The following KCNE4 variants were observed in gnomAD, a reference collection of about 807,000 sequenced individuals.
KCNE4 encodes the protein potassium voltage-gated channel subfamily E regulatory subunit 4, also known as potassium voltage-gated channel subfamily E member 4.
In KCNE4, 6 loss-of-function variants were observed where a neutral mutation model predicts 9.2. That is an observed-to-expected ratio of 0.65 (90% CI 0.36 to 1.29). The LOEUF (loss-of-function observed/expected upper bound fraction) is 1.29, where lower values mean the gene tolerates loss of function less well. KCNE4 is among the 50% of genes most tolerant of loss of function. The pLI is 0.03. For missense variants in KCNE4, 222 were observed against 228.8 expected (o/e 0.97, Z 0.19); for synonymous variants, 115 against 103.2 (o/e 1.11, Z -0.70).
At position 223,054,587 on chromosome 2, in the gene KCNE4, A is replaced by G. The variant is rs1698740228; in HGVS notation, c.*1244A>G. 1 of 167,066 alleles carries G rather than the reference A, an allele frequency of 6.0e-6. No homozygotes were observed. Among genetic ancestry groups the G allele is most frequent in the African/African-American group, 2.4e-5 (1 of 41,440 alleles). 10.3% of individuals were successfully genotyped at this position (167,066 alleles called of 1,614,324 possible). A position where few individuals can be genotyped will look rare whatever the true frequency, so the allele number is the denominator to read the frequency against. On this transcript the variant is annotated 3_prime_UTR_variant, in exon 2 of 2. Coordinates refer to ENST00000281830, the MANE Select transcript of KCNE4 (RefSeq NM_080671.4). ...CTGGGGAATTCAGGGCAAGCTACCAACCCAGCCCTGCTGTAGTTTTCCCAG... is the reference window on the plus strand; with the variant it reads ...CTGGGGAATTCAGGGCAAGCTACCAGCCCAGCCCTGCTGTAGTTTTCCCAG...
rs936494608 is a variant in KCNE4, at chr2:223,053,458, C to G, written c.*115C>G. ...GTGCGGCTGCCACTTTGAAGAGACCCTTGGTAAACCCCTGATTCGGGGTGG... is the reference window on the plus strand; with the variant it reads ...GTGCGGCTGCCACTTTGAAGAGACCGTTGGTAAACCCCTGATTCGGGGTGG... On this transcript the variant is annotated 3_prime_UTR_variant, in exon 2 of 2. Transcript: ENST00000281830. The surrounding 1 kb of genome is among the most constrained non-coding windows in gnomAD (Gnocchi z 4.1). The G allele has an allele frequency of 1.8e-5, 20 of 1,095,984 alleles. No individual in the cohort carries two copies. Among genetic ancestry groups the G allele is most frequent in the Non-Finnish European group, 2.5e-5 (18 of 734,570 alleles). The allele number at this position is 1,095,984 out of a possible 1,614,324, so 67.9% of individuals were successfully genotyped here. A position where few individuals can be genotyped will look rare whatever the true frequency, so the allele number is the denominator to read the frequency against.
In KCNE4 at chr2:223,052,895, A is replaced by G. The variant is rs756846142; in HGVS notation, c.65A>G (p.Glu22Gly). 1 of 1,614,012 alleles carries G rather than the reference A, an allele frequency of 6.2e-7. No homozygotes were observed. The highest frequency in any genetic ancestry group is 1.7e-5 in the Admixed American group (1 of 60,032). The change falls in exon 2 of 2, where the codon GAG becomes GGG. Residue 22 changes from glutamate to glycine, a missense_variant. Physicochemically the swap from Glu to Gly is moderately conservative, Grantham distance 98 (BLOSUM62 -2). Coordinates refer to ENST00000281830, the MANE Select transcript of KCNE4 (RefSeq NM_080671.4). ...PGTAASSSPL[E>G]SRAAGGGSGN... ...ACCGCCGCCTCCAGCAGCCCCCTGG[A>G]GTCCCGTGCGGCCGGCGGCGGCAGC...
At position 223,053,097 on chromosome 2, in the gene KCNE4, G is replaced by A. The variant is rs752656784; in HGVS notation, c.267G>A (p.Val89=). 1 of 1,613,846 alleles carries A rather than the reference G, an allele frequency of 6.2e-7. No individual in the cohort carries two copies. The highest frequency in any genetic ancestry group is 1.1e-5 in the South Asian group (1 of 91,066). ...GGGAGGCCATGAAGCCGCTGCCTGT[G>A]GTGTCGGGCCTGAGGTCGGTGCAGG... ...LWGEAMKPLP[V]VSGLRSVQVP... Residue 89 remains valine, a synonymous_variant, in exon 2 of 2, where the codon GTG becomes GTA. Coordinates refer to ENST00000281830, the MANE Select transcript of KCNE4 (RefSeq NM_080671.4). The surrounding 1 kb of genome is among the most constrained non-coding windows in gnomAD (Gnocchi z 4.1).
chr2:223,052,676 G>T (rs1045317184), intron 1 of KCNE4, 132 bp from the exon 2 acceptor site: 1 of 1,016,780 alleles, frequency 9.8e-7, no homozygotes. Context: ...GCTGTTTGGC[G>T]AACCCTCTTA....
Position 223,055,350 on chromosome 2 carries a change from G to A in KCNE4, c.*2007G>A, listed in dbSNP as rs1423406785. On this transcript the variant is annotated 3_prime_UTR_variant, in exon 2 of 2. Coordinates refer to ENST00000281830, the MANE Select transcript of KCNE4 (RefSeq NM_080671.4). Reference sequence around the variant, plus strand: ...AATTCAGTGTGGACTTATGCCAAAGGGGGCTGTTTAAGTTGAAAGAAGCCA... The same window carrying A: ...AATTCAGTGTGGACTTATGCCAAAGAGGGCTGTTTAAGTTGAAAGAAGCCA... The A allele has an allele frequency of 1.2e-5, 2 of 167,044 alleles. No individual in the cohort carries two copies. Among genetic ancestry groups the A allele is most frequent in the African/African-American group, 4.8e-5 (2 of 41,414 alleles). The allele number at this position is 167,044 out of a possible 1,614,324, so 10.3% of individuals were successfully genotyped here.
chr2:223,052,394 A>C, intron 1 of KCNE4, 120 bp downstream of exon 1: 1 of 783,022 alleles, frequency 1.3e-6, no homozygotes, highest in Non-Finnish European at 1.7e-6. Flanking sequence ...CTAAGGAAAC[A>C]TTGTTTTGAA....
At position 223,054,163 on chromosome 2, in the gene KCNE4, G is replaced by C. The variant is rs1035035571; in HGVS notation, c.*820G>C. On this transcript the variant is annotated 3_prime_UTR_variant, in exon 2 of 2. Transcript: ENST00000281830. ...AAGTGGGGTTGAACAAGGCCAAGCCGTTAGCTCTGCTGCTGCTCAGTTTCC... is the reference window on the plus strand; with the variant it reads ...AAGTGGGGTTGAACAAGGCCAAGCCCTTAGCTCTGCTGCTGCTCAGTTTCC... 6.0e-6 allele frequency: 1 copy of C among 167,134 alleles called. No homozygotes were observed. Among genetic ancestry groups the C allele is most frequent in the Non-Finnish European group, 1.5e-5 (1 of 68,166 alleles). The allele number at this position is 167,134 out of a possible 1,614,324, so 10.4% of individuals were successfully genotyped here. A position where few individuals can be genotyped will look rare whatever the true frequency, so the allele number is the denominator to read the frequency against.
In KCNE4 at chr2:223,053,265, T is replaced by G. The variant is rs12621643; in HGVS notation, c.435T>G (p.Asp145Glu). The G allele has an allele frequency of 0.7, 1,134,579 of 1,613,456 alleles. 401,868 individuals are homozygous for G. Among genetic ancestry groups the G allele is most frequent in the South Asian group, 0.8 (72,418 of 91,062 alleles). Residue 145 changes from aspartate (D) to glutamate (E), a missense_variant, in exon 2 of 2, where the codon GAT becomes GAG. Physicochemically the swap from Asp to Glu is conservative, Grantham distance 45. Coordinates refer to ENST00000281830, the MANE Select transcript of KCNE4 (RefSeq NM_080671.4). This position sits in a 1 kb window ranked among gnomAD's most constrained non-coding sequence, Gnocchi z 4.1. ...HLTIQEEGAD[D>E]ELEETSETPL... Reference sequence around the variant, plus strand: ...CCATTCAGGAGGAGGGGGCAGACGATGAGCTGGAGGAGACCTCGGAGACGC... The same window carrying G: ...CCATTCAGGAGGAGGGGGCAGACGAGGAGCTGGAGGAGACCTCGGAGACGC...
At position 223,054,532 on chromosome 2, in the gene KCNE4, G is replaced by A. The variant is rs1223226606; in HGVS notation, c.*1189G>A. ...CTGAACAAGGATCTGCTGATTTAAAGGAGCAGTTGGAGATTCAGAACACAT... is the reference window on the plus strand; with the variant it reads ...CTGAACAAGGATCTGCTGATTTAAAAGAGCAGTTGGAGATTCAGAACACAT... On this transcript the variant is annotated 3_prime_UTR_variant, in exon 2 of 2. Transcript: ENST00000281830. 2 of 167,066 alleles carry A rather than the reference G, an allele frequency of 1.2e-5. No individual in the cohort carries two copies. Among genetic ancestry groups the A allele is most frequent in the African/African-American group, 2.4e-5 (1 of 41,442 alleles). 10.3% of individuals were successfully genotyped at this position (167,066 alleles called of 1,614,324 possible).
chr2:223,052,379 T>G, intron 1 of KCNE4, 105 bp downstream of exon 1: 1 of 873,254 alleles, frequency 1.1e-6, no homozygotes, highest in Non-Finnish European at 1.5e-6. Flanking sequence ...CTGCTTTTCT[T>G]TGTTCTAAGG....
Position 223,053,615 on chromosome 2 carries a change from G to A in KCNE4, c.*272G>A, listed in dbSNP as rs3795885. 2.6e-3 allele frequency: 1,287 copies of A among 503,938 alleles called. 39 individuals carry two copies. In the East Asian group the frequency reaches 0.04, roughly 16 times the overall value. The allele number at this position is 503,938 out of a possible 1,614,324, so 31.2% of individuals were successfully genotyped here. A position where few individuals can be genotyped will look rare whatever the true frequency, so the allele number is the denominator to read the frequency against. On this transcript the variant is annotated 3_prime_UTR_variant, in exon 2 of 2. Transcript: ENST00000281830. This position sits in a 1 kb window ranked among gnomAD's most constrained non-coding sequence, Gnocchi z 4.1. ...CTGACTTTGGGGCCTGGGTGTTGGG[G>A]TTCTGATCAGAATTTGGCGGGATGA...
rs750426341 is a variant in KCNE4, at chr2:223,054,313, C to G, written c.*970C>G. ...GCTCCAAGTTCTGTGCTTCCTGATC[C>G]CGAGCCCTGACACTCATTTGCTGTG... On this transcript the variant is annotated 3_prime_UTR_variant, in exon 2 of 2. Coordinates refer to ENST00000281830, the MANE Select transcript of KCNE4 (RefSeq NM_080671.4). 6.0e-6 allele frequency: 1 copy of G among 167,064 alleles called. No homozygotes were observed. The highest frequency in any genetic ancestry group is 1.5e-5 in the Non-Finnish European group (1 of 68,120). The allele number at this position is 167,064 out of a possible 1,614,324, so 10.3% of individuals were successfully genotyped here.
At chr2:223,052,540 T>C (rs1698708355) in intron 1 of KCNE4, among the ~76,000 whole-genome samples, 1 of 147,204 alleles carries the variant, frequency 6.8e-6, no homozygotes, top group Non-Finnish European at 1.5e-5. Context: ...AAAGTAATAC[T>C]GCTCACTACA....
chr2:223,052,795 G>T lies in KCNE4; in HGVS notation c.-23-13G>T. The T allele has an allele frequency of 6.2e-7, 1 of 1,604,298 alleles. No homozygotes were observed. The highest frequency in any genetic ancestry group is 8.5e-7 in the Non-Finnish European group (1 of 1,179,758). On this transcript the variant is annotated splice_polypyrimidine_tract_variant and intron_variant, in intron 1 of 1. Coordinates refer to ENST00000281830, the MANE Select transcript of KCNE4 (RefSeq NM_080671.4). The stretch of plus-strand genomic sequence containing the variant: ...ACCTGGGGGAGAGTTCTAACCTGCG[G>T]CTTTTTCCCCAGCCCCTGCTGTGGA...
rs1168610937 is a variant in KCNE4, at chr2:223,055,268, G to T, written c.*1925G>T. ...AGGAGCTGGTTTATCAGTCCGCTTT[G>T]ACATACAGCTAAAGGAAATTTATGT... On this transcript the variant is annotated 3_prime_UTR_variant, in exon 2 of 2. Transcript: ENST00000281830. 2 of 166,890 alleles carry T rather than the reference G, an allele frequency of 1.2e-5. No homozygotes were observed. Among genetic ancestry groups the T allele is most frequent in the African/African-American group, 2.4e-5 (1 of 41,374 alleles). The allele number at this position is 166,890 out of a possible 1,614,324, so 10.3% of individuals were successfully genotyped here.
intron 1 of KCNE4, among the ~76,000 whole-genome samples, 165 bp from the exon 2 acceptor site, chr2:223,052,643 G>A (rs1389821358): frequency 1.3e-5 from 2 of 149,782 alleles, no homozygotes; most frequent in East Asian, 3.9e-4. Context: ...TGCACTCCAA[G>A]CCCTCATAGC....
At chr2:223,052,596 T>TA in intron 1 of KCNE4, among the ~76,000 whole-genome samples, 1 of 151,988 alleles carries the variant, frequency 6.6e-6, no homozygotes, top group South Asian at 2.1e-4. Context: ...AAGTCCTTCT[T>TA]ACTTTTCCCA....
Position 223,053,400 on chromosome 2 carries a change from G to A in KCNE4, c.*57G>A. 2 of 1,523,890 alleles carry A rather than the reference G, an allele frequency of 1.3e-6. No homozygotes were observed. The highest frequency in any genetic ancestry group is 1.8e-6 in the Non-Finnish European group (2 of 1,111,938). The allele number at this position is 1,523,890 out of a possible 1,614,324, so 94.4% of individuals were successfully genotyped here. On this transcript the variant is annotated 3_prime_UTR_variant, in exon 2 of 2. Transcript: ENST00000281830. The surrounding 1 kb of genome is among the most constrained non-coding windows in gnomAD (Gnocchi z 4.1). ...AGCCAGCAACCTTAGAGAGAGGAAA[G>A]ACAGTTTTCAAGTGTCTGGTTTCAC...
In KCNE4 at chr2:223,055,481, A is replaced by G. The variant is rs1242890949; in HGVS notation, c.*2138A>G. 6.0e-6 allele frequency: 1 copy of G among 167,098 alleles called. No individual in the cohort carries two copies. Among genetic ancestry groups the G allele is most frequent in the Non-Finnish European group, 1.5e-5 (1 of 68,122 alleles). The allele number at this position is 167,098 out of a possible 1,614,324, so 10.4% of individuals were successfully genotyped here. A position where few individuals can be genotyped will look rare whatever the true frequency, so the allele number is the denominator to read the frequency against. The stretch of plus-strand genomic sequence containing the variant: ...ATTGCTTAATCCTGAAGTTTGGTGC[A>G]AGTCTCTCTGCACCTATTAAAAAGT... On this transcript the variant is annotated 3_prime_UTR_variant, in exon 2 of 2. Coordinates refer to ENST00000281830, the MANE Select transcript of KCNE4 (RefSeq NM_080671.4).
Sources: gnomAD v4.1 joint callset for allele counts (sites outside exome capture counted in the v4.1 genomes callset) on GRCh38, gnomAD v4.1.1 for gene constraint, Gnocchi (gnomAD v3.1) non-coding constraint, MANE v1.5 for transcripts, NCBI Gene and HGNC (gene_info 2026-07-23, HGNC 2026-07-21) for gene names.